The following MEGF9 variants were observed in gnomAD, a reference collection of about 807,000 sequenced individuals.
MEGF9 encodes multiple epidermal growth factor-like domains protein 9.
In MEGF9, 6 loss-of-function variants were observed where a neutral mutation model predicts 46.8. The observed-to-expected ratio is 0.13, with a 90% confidence interval of 0.07 to 0.25. MEGF9 has a LOEUF of 0.25. Ranked by LOEUF, MEGF9 falls within the 10% of genes least tolerant of loss-of-function variation. The pLI is 1.00. For missense variants in MEGF9, 683 were observed against 792.4 expected (o/e 0.86, Z 1.66); for synonymous variants, 302 against 330.7 (o/e 0.91, Z 0.94).
At chr9:120,641,442 T>C (rs1587981752) in intron 2 of MEGF9, among the ~76,000 whole-genome samples, 1 of 152,268 alleles carries the variant, frequency 6.6e-6, no homozygotes, top group East Asian at 1.9e-4. Context: ...ACAATTCTCA[T>C]AAAAACAAAG....
intron 2 of MEGF9, among the ~76,000 whole-genome samples, chr9:120,654,653 G>A (rs566646724): frequency 4.6e-5 from 7 of 152,272 alleles, no homozygotes; most frequent in African/African-American, 1.4e-4. Flanking sequence ...TGTTATGTTA[G>A]AGTGTACATC....
At chr9:120,607,394 A>C (rs1033975811) in intron 5 of MEGF9, among the ~76,000 whole-genome samples, 1 of 152,250 alleles carries the variant, frequency 6.6e-6, no homozygotes, top group African/African-American at 2.4e-5. Flanking sequence ...CCTACTTCAA[A>C]AGACCTTTGA....
intron 1 of MEGF9, among the ~76,000 whole-genome samples, chr9:120,666,113 T>C (rs903867232): frequency 1.3e-5 from 2 of 152,198 alleles, no homozygotes; most frequent in African/African-American, 4.8e-5. Flanking sequence ...TTTTAAAATT[T>C]CTGTGAAGAA....
chr9:120,621,774 A>G (rs1012679782), intron 3 of MEGF9, among the ~76,000 whole-genome samples: 1 of 152,140 alleles, frequency 6.6e-6, no homozygotes, highest in Admixed American at 6.5e-5. Flanking sequence ...CTCCCCTTTC[A>G]TCTGTTAGGC....
chr9:120,696,142 C>T (rs1276857963), intron 1 of MEGF9, among the ~76,000 whole-genome samples: 4 of 152,164 alleles, frequency 2.6e-5, no homozygotes, highest in Admixed American at 6.5e-5. Flanking sequence ...CCTCTAACTC[C>T]GTGGCCTGAA....
chr9:120,637,134 T>C (rs1282433955), intron 2 of MEGF9, among the ~76,000 whole-genome samples: 2 of 152,182 alleles, frequency 1.3e-5, no homozygotes, highest in Non-Finnish European at 2.9e-5. Flanking sequence ...CCCAACCCCA[T>C]GCTCTCTGAA....
At chr9:120,651,654 ATT>A (rs201065785) in intron 2 of MEGF9, among the ~76,000 whole-genome samples, 29 of 142,080 alleles carry the variant, frequency 2.0e-4, no homozygotes, top group Non-Finnish European at 2.5e-4. Flanking sequence ...GTATAATAGG[ATT>A]TTTTTTTTTT....
intron 1 of MEGF9, among the ~76,000 whole-genome samples, chr9:120,696,658 A>C (rs2043878644): frequency 6.6e-6 from 1 of 152,226 alleles, no homozygotes; most frequent in Non-Finnish European, 1.5e-5. Flanking sequence ...GCACAAGGGG[A>C]AAAGTACAAG....
At chr9:120,677,586 C>T (rs986959111) in intron 1 of MEGF9, among the ~76,000 whole-genome samples, 2 of 152,202 alleles carry the variant, frequency 1.3e-5, no homozygotes, top group African/African-American at 4.8e-5. Flanking sequence ...CCTTAACATA[C>T]TGTTCAAAGC....
At chr9:120,650,255 G>C (rs2043643860) in intron 2 of MEGF9, among the ~76,000 whole-genome samples, 1 of 152,184 alleles carries the variant, frequency 6.6e-6, no homozygotes, top group African/African-American at 2.4e-5. Flanking sequence ...TACATATAAA[G>C]GCATCCCTGA....
intron 1 of MEGF9, among the ~76,000 whole-genome samples, chr9:120,664,758 G>A (rs367821359): frequency 1.3e-5 from 2 of 152,234 alleles, no homozygotes; most frequent in East Asian, 1.9e-4. Flanking sequence ...AGCACTCACC[G>A]GAATCTGGTT....
chr9:120,690,635 A>G (rs1418197227), intron 1 of MEGF9, among the ~76,000 whole-genome samples: 2 of 152,266 alleles, frequency 1.3e-5, no homozygotes, highest in East Asian at 3.9e-4. Flanking sequence ...TCAGTGACCA[A>G]GCAACCAATA....
intron 3 of MEGF9, among the ~76,000 whole-genome samples, chr9:120,615,583 A>G (rs997588966): frequency 2.6e-5 from 4 of 152,076 alleles, no homozygotes; most frequent in African/African-American, 7.2e-5. Flanking sequence ...CTCAAAAGTA[A>G]AAATGAAAGC....
intron 2 of MEGF9, among the ~76,000 whole-genome samples, chr9:120,624,460 T>G (rs2043515057): frequency 6.6e-6 from 1 of 151,998 alleles, no homozygotes; most frequent in African/African-American, 2.4e-5. Context: ...ACTCCTGAGC[T>G]CAAGCAATCC....
chr9:120,714,340 G>C lies in MEGF9; in HGVS notation c.19C>G (p.Arg7Gly). The change falls in exon 1 of 6, where the codon CGC becomes GGC. Residue 7 changes from arginine (R) to glycine (G), a missense_variant. Coordinates refer to ENST00000373930, the MANE Select transcript of MEGF9 (RefSeq NM_001080497.3). MNGGAE[R>G]AMRSLPSLGG... The stretch of plus-strand genomic sequence containing the variant: ...AGGCTCGGCAGGCTCCTCATGGCGC[G>C]CTCGGCTCCGCCATTCATTCATTCA... 7.5e-7 allele frequency: 1 copy of C among 1,339,182 alleles called. No individual in the cohort carries two copies. Among genetic ancestry groups the C allele is most frequent in the African/African-American group, 1.5e-5 (1 of 65,294 alleles). 83.0% of individuals were successfully genotyped at this position (1,339,182 alleles called of 1,614,324 possible).
intron 2 of MEGF9, among the ~76,000 whole-genome samples, chr9:120,647,718 C>T (rs2043631969): frequency 1.3e-5 from 2 of 152,150 alleles, no homozygotes; most frequent in Admixed American, 6.6e-5. Flanking sequence ...TGACACACAA[C>T]GAATATACAA....
At chr9:120,685,258 T>C (rs1052277932) in intron 1 of MEGF9, among the ~76,000 whole-genome samples, 9 of 152,170 alleles carry the variant, frequency 5.9e-5, no homozygotes, top group Admixed American at 2.6e-4. Flanking sequence ...AACCTGCTCA[T>C]CACAATGTTT....
chr9:120,655,196 C>CT (rs1471325269), intron 2 of MEGF9, among the ~76,000 whole-genome samples: 1 of 152,192 alleles, frequency 6.6e-6, no homozygotes, highest in Non-Finnish European at 1.5e-5. Flanking sequence ...CAATCACTGA[C>CT]TCACCCAGAC....
Position 120,621,460 on chromosome 9 carries a change from A to G in MEGF9, c.943+1156T>C, listed in dbSNP as rs569927596. ...TACAATCTACTGTTAGATTAATGCA[A>G]TGAGTTATTAATTCACATGTTGTAT... is the stretch of plus-strand genomic sequence containing the variant. On this transcript the variant is annotated intron_variant, in intron 3 of 5. Coordinates refer to ENST00000373930, the MANE Select transcript of MEGF9 (RefSeq NM_001080497.3). Among the ~76,000 whole-genome samples the G allele has an allele frequency of 2.0e-4, 30 of 152,302 alleles. 1 individual carries two copies. Among genetic ancestry groups the G allele is most frequent in the African/African-American group, 6.3e-4 (26 of 41,568 alleles).
Sources: gnomAD v4.1 joint callset for allele counts (sites outside exome capture counted in the v4.1 genomes callset) on GRCh38, gnomAD v4.1.1 for gene constraint, MANE v1.5 for transcripts, NCBI Gene and HGNC (gene_info 2026-07-23, HGNC 2026-07-21) for gene names.